The following KCNG3 variants were observed in gnomAD, a reference collection of about 807,000 sequenced individuals.
KCNG3 encodes potassium voltage-gated channel modifier subfamily G member 3, also known as voltage-gated potassium channel regulatory subunit KCNG3.
Under a neutral mutation model 29.0 loss-of-function variants are expected in KCNG3, and 15 were observed. The ratio of observed to expected loss-of-function variants is 0.52; its 90% CI spans 0.35 to 0.80. KCNG3 has a LOEUF of 0.80. Ranked by LOEUF, KCNG3 falls within the 30% of genes least tolerant of loss-of-function variation. The pLI is 0.01. For synonymous variants in KCNG3, 322 were observed against 248.9 expected, an observed-to-expected ratio of 1.29 and a Z score of -2.76; for missense variants, 512 against 605.7, an observed-to-expected ratio of 0.85 and a Z score of 1.62.
At chr2:42,473,711 G>C (rs913991152) in intron 1 of KCNG3, among the ~76,000 whole-genome samples, 1 of 151,940 alleles carries the variant, frequency 6.6e-6, no homozygotes, top group African/African-American at 2.4e-5. Context: ...GTTTTTGATA[G>C]ATGTAGTCAA....
At chr2:42,482,691 T>C (rs1673618987) in intron 1 of KCNG3, among the ~76,000 whole-genome samples, 1 of 152,190 alleles carries the variant, frequency 6.6e-6, no homozygotes, top group African/African-American at 2.4e-5. Context: ...ATTGCACCAC[T>C]GCACTCCAGC....
At chr2:42,404,364 G>C in the KCNG3 span, among the ~76,000 whole-genome samples, 2 of 152,212 alleles carry the variant, frequency 1.3e-5, no homozygotes, top group Non-Finnish European at 2.9e-5. Flanking sequence ...CAAGGCTAGA[G>C]AAGTGAGCTC....
chr2:42,465,905 C>A (rs1454178257), intron 1 of KCNG3, among the ~76,000 whole-genome samples: 1 of 152,092 alleles, frequency 6.6e-6, no homozygotes, highest in Non-Finnish European at 1.5e-5. Flanking sequence ...GAAATTAACA[C>A]CACAATGAGA....
At chr2:42,409,835 A>C in the KCNG3 span, among the ~76,000 whole-genome samples, 1 of 151,334 alleles carries the variant, frequency 6.6e-6, no homozygotes, top group East Asian at 1.9e-4. Context: ...AATAATACTT[A>C]TTTGGCTATA....
the KCNG3 span, among the ~76,000 whole-genome samples, chr2:42,400,347 G>C: frequency 1.3e-5 from 2 of 152,150 alleles, no homozygotes; most frequent in South Asian, 4.1e-4. Context: ...GTGCCCATGA[G>C]ACAACAAAAC....
chr2:42,472,936 C>T (rs1338394899), intron 1 of KCNG3, among the ~76,000 whole-genome samples: 2 of 139,830 alleles, frequency 1.4e-5, no homozygotes, highest in Admixed American at 7.5e-5. Context: ...GAGTCTCGCT[C>T]TGTTGCCCAG....
the KCNG3 span, among the ~76,000 whole-genome samples, chr2:42,410,793 G>C: frequency 1.3e-5 from 2 of 151,884 alleles, no homozygotes; most frequent in Non-Finnish European, 2.9e-5. Context: ...CTTTTCATTT[G>C]TCTTTTGACT....
the KCNG3 span, among the ~76,000 whole-genome samples, chr2:42,392,087 A>G: frequency 6.6e-6 from 1 of 152,230 alleles, no homozygotes; most frequent in Admixed American, 6.5e-5. Flanking sequence ...TAATTATTTC[A>G]TCAGTTTAAT....
intron 1 of KCNG3, among the ~76,000 whole-genome samples, chr2:42,468,829 C>G (rs1673209775): frequency 6.6e-6 from 1 of 151,578 alleles, no homozygotes; most frequent in African/African-American, 2.4e-5. Context: ...GTGGCAGGCA[C>G]CTGTAATCTC....
intron 1 of KCNG3, among the ~76,000 whole-genome samples, chr2:42,477,273 AG>A (rs1224270700): frequency 2.6e-5 from 4 of 151,494 alleles, no homozygotes; most frequent in African/African-American, 9.7e-5. Context: ...TAAATACACT[AG>A]TTACTCTTAT....
chr2:42,441,745 A>G (rs1672488031), downstream of KCNG3, among the ~76,000 whole-genome samples: 1 of 150,562 alleles, frequency 6.6e-6, no homozygotes, highest in Admixed American at 6.7e-5. Context: ...TATATAAAAT[A>G]TATACACATA....
At chr2:42,430,035 G>A in the KCNG3 span, among the ~76,000 whole-genome samples, 6 of 152,144 alleles carry the variant, frequency 3.9e-5, no homozygotes, top group East Asian at 3.9e-4. Context: ...AGAGACTGCT[G>A]GCTACAATTT....
the KCNG3 span, among the ~76,000 whole-genome samples, chr2:42,420,474 A>G: frequency 2.6e-5 from 4 of 151,862 alleles, no homozygotes; most frequent in Non-Finnish European, 5.9e-5. Context: ...CCCTTCCTCA[A>G]CCTCCTTGGC....
At chr2:42,484,069 C>T (rs1261645806) in intron 1 of KCNG3, among the ~76,000 whole-genome samples, 1 of 152,158 alleles carries the variant, frequency 6.6e-6, no homozygotes, top group Admixed American at 6.5e-5. Flanking sequence ...CAGGCCTAAG[C>T]CCCTGCTCCT....
chr2:42,464,796 C>T (rs1392307140), intron 1 of KCNG3, among the ~76,000 whole-genome samples: 2 of 152,158 alleles, frequency 1.3e-5, no homozygotes, highest in African/African-American at 2.4e-5. Context: ...CCCTGATGTT[C>T]CTACAGCAGT....
At chr2:42,485,565 C>A (rs1673699576) in intron 1 of KCNG3, among the ~76,000 whole-genome samples, 1 of 152,104 alleles carries the variant, frequency 6.6e-6, no homozygotes, top group African/African-American at 2.4e-5. Flanking sequence ...CCACCTCAGC[C>A]TCCCGAGTAG....
chr2:42,474,123 C>G (rs1281572826), intron 1 of KCNG3, among the ~76,000 whole-genome samples: 1 of 148,918 alleles, frequency 6.7e-6, no homozygotes, highest in Non-Finnish European at 1.5e-5. Flanking sequence ...TGCTGACCAT[C>G]CTTATCTTCT....
At chr2:42,456,214 T>C (rs1322800606) in intron 1 of KCNG3, among the ~76,000 whole-genome samples, 1 of 152,130 alleles carries the variant, frequency 6.6e-6, no homozygotes. Flanking sequence ...ACTGCAATCA[T>C]TTTTTAGCCT....
intron 1 of KCNG3, among the ~76,000 whole-genome samples, chr2:42,455,251 G>A (rs986829902): frequency 6.6e-6 from 1 of 152,138 alleles, no homozygotes; most frequent in Non-Finnish European, 1.5e-5. Context: ...ACAGGTGTGA[G>A]CCACCACGCC....
Sources: gnomAD v4.1 joint callset for allele counts (sites outside exome capture counted in the v4.1 genomes callset) on GRCh38, gnomAD v4.1.1 for gene constraint, MANE v1.5 for transcripts, NCBI Gene and HGNC (gene_info 2026-07-23, HGNC 2026-07-21) for gene names.